The following WDR70 variants were observed in gnomAD, a reference collection of about 807,000 sequenced individuals.
The protein encoded by WDR70 is WD repeat-containing protein 70.
In WDR70, 53 loss-of-function variants were observed where a neutral mutation model predicts 88.6. The observed-to-expected ratio is 0.60, with a 90% confidence interval of 0.48 to 0.75. The LOEUF is 0.75. WDR70 is among the 30% of genes least tolerant of loss of function. WDR70 has a pLI of 0.00. For synonymous variants in WDR70, 280 were observed against 270.0 expected, an observed-to-expected ratio of 1.04 and a Z score of -0.36; for missense variants, 610 against 823.2, an observed-to-expected ratio of 0.74 and a Z score of 3.17.
At chr5:37,420,932 A>G (rs1383050676) in intron 5 of WDR70, among the ~76,000 whole-genome samples, 1 of 152,142 alleles carries the variant, frequency 6.6e-6, no homozygotes, top group African/African-American at 2.4e-5. Flanking sequence ...AATAAATAAA[A>G]GAATTATGAC....
chr5:37,688,554 C>A (rs1746681325), intron 10 of WDR70, among the ~76,000 whole-genome samples: 1 of 151,828 alleles, frequency 6.6e-6, no homozygotes, highest in Non-Finnish European at 1.5e-5. Flanking sequence ...CCAAAAGTTT[C>A]ATTTAGAGTT....
At chr5:37,398,401 A>G (rs1749094240) in intron 5 of WDR70, among the ~76,000 whole-genome samples, 1 of 152,076 alleles carries the variant, frequency 6.6e-6, no homozygotes, top group Non-Finnish European at 1.5e-5. Flanking sequence ...GGGGTAGATA[A>G]TTTTTTAACA....
intron 9 of WDR70, among the ~76,000 whole-genome samples, chr5:37,601,837 T>C (rs961461645): frequency 3.3e-5 from 5 of 152,148 alleles, no homozygotes; most frequent in African/African-American, 1.2e-4. Context: ...CCATCAGTAA[T>C]AGACTGGATA....
At chr5:37,393,754 C>G (rs2111892679) in intron 4 of WDR70, among the ~76,000 whole-genome samples, 1 of 152,188 alleles carries the variant, frequency 6.6e-6, no homozygotes, top group South Asian at 2.1e-4. Flanking sequence ...ATTCTTAACT[C>G]ACTGCAACCT....
At chr5:37,552,616 A>G (rs1742178479) in intron 9 of WDR70, among the ~76,000 whole-genome samples, 1 of 152,232 alleles carries the variant, frequency 6.6e-6, no homozygotes, top group Non-Finnish European at 1.5e-5. Context: ...GTCCCACAGA[A>G]GTGAAACAGA....
chr5:37,649,973 A>G (rs1485142462), intron 10 of WDR70, among the ~76,000 whole-genome samples: 1 of 126,984 alleles, frequency 7.9e-6, no homozygotes, highest in African/African-American at 2.7e-5. Context: ...TCCTGACCTC[A>G]TGATCCACCC....
At chr5:37,586,843 TA>T (rs1310341748) in intron 9 of WDR70, among the ~76,000 whole-genome samples, 1 of 152,194 alleles carries the variant, frequency 6.6e-6, no homozygotes, top group African/African-American at 2.4e-5. Flanking sequence ...TAATAATTCC[TA>T]ATTGTATTTC....
chr5:37,594,176 T>G (rs7730584), intron 9 of WDR70, among the ~76,000 whole-genome samples: 4,064 of 152,326 alleles, frequency 0.027, 196 homozygotes, highest in African/African-American at 0.093. Flanking sequence ...TTTTGCCTTT[T>G]GTTGCCATTG....
At chr5:37,419,173 T>C (rs1749860794) in intron 5 of WDR70, among the ~76,000 whole-genome samples, 1 of 152,076 alleles carries the variant, frequency 6.6e-6, no homozygotes, top group South Asian at 2.1e-4. Flanking sequence ...CCCACCTCTT[T>C]GCTGTTTAAC....
intron 4 of WDR70, among the ~76,000 whole-genome samples, chr5:37,392,475 G>C (rs1285705943): frequency 6.6e-6 from 1 of 151,516 alleles, no homozygotes; most frequent in Non-Finnish European, 1.5e-5. Flanking sequence ...TGAGCATCCT[G>C]AGTAGCTGGG....
At chr5:37,647,723 C>A (rs1181321682) in intron 10 of WDR70, among the ~76,000 whole-genome samples, 1 of 152,206 alleles carries the variant, frequency 6.6e-6, no homozygotes, top group Non-Finnish European at 1.5e-5. Flanking sequence ...TACTCCCAAA[C>A]TTACTTTGTT....
chr5:37,413,588 G>A (rs1459417112), intron 5 of WDR70, among the ~76,000 whole-genome samples: 1 of 152,028 alleles, frequency 6.6e-6, no homozygotes, highest in Non-Finnish European at 1.5e-5. Flanking sequence ...GGGCATGGTG[G>A]CGTGTGCCTG....
chr5:37,622,508 A>C (rs1207801977), intron 10 of WDR70, among the ~76,000 whole-genome samples: 8 of 152,172 alleles, frequency 5.3e-5, no homozygotes, highest in Admixed American at 3.9e-4. Flanking sequence ...TCCAACAATG[A>C]TAGACTAGAT....
intron 10 of WDR70, among the ~76,000 whole-genome samples, chr5:37,666,814 T>G (rs995813400): frequency 6.6e-6 from 1 of 152,198 alleles, no homozygotes; most frequent in Non-Finnish European, 1.5e-5. Flanking sequence ...ATCCTGGCTC[T>G]GCCCCTTACT....
intron 10 of WDR70, among the ~76,000 whole-genome samples, chr5:37,678,016 G>C (rs1182205947): frequency 6.6e-6 from 1 of 152,050 alleles, no homozygotes; most frequent in Non-Finnish European, 1.5e-5. Context: ...GATCTTTGTT[G>C]GTTTAATGTC....
chr5:37,583,644 GGA>G (rs1189341223), intron 9 of WDR70, among the ~76,000 whole-genome samples: 1 of 147,532 alleles, frequency 6.8e-6, no homozygotes, highest in African/African-American at 2.5e-5. Context: ...TCCTTTGAAA[GGA>G]TGATTGACTA....
At chr5:37,451,186 T>C (rs1459948376) in intron 7 of WDR70, among the ~76,000 whole-genome samples, 1 of 152,102 alleles carries the variant, frequency 6.6e-6, no homozygotes, top group Non-Finnish European at 1.5e-5. Context: ...ACGTGAGCCA[T>C]TGCCTCTGGC....
At chr5:37,750,654 G>T (rs1748777727) in intron 17 of WDR70, among the ~76,000 whole-genome samples, 1 of 149,778 alleles carries the variant, frequency 6.7e-6, no homozygotes, top group Admixed American at 6.8e-5. Context: ...TGCTGTTGTT[G>T]TGATACTGAA....
chr5:37,527,352 T>A (rs965463560), intron 9 of WDR70, among the ~76,000 whole-genome samples: 2 of 152,170 alleles, frequency 1.3e-5, no homozygotes, highest in African/African-American at 4.8e-5. Context: ...ATCTGATCTT[T>A]GACAAACCTG....
Sources: allele counts gnomAD v4.1 joint callset (sites outside exome capture counted in the v4.1 genomes callset), GRCh38; gene constraint gnomAD v4.1.1; transcripts MANE v1.5; gene names NCBI Gene and HGNC (gene_info 2026-07-23, HGNC 2026-07-21).